Variants in C8orf34 observed in about 807,000 individuals in gnomAD.
C8orf34 encodes uncharacterized protein C8orf34.
C8orf34 carries 65 observed loss-of-function variants against 68.3 expected under a neutral mutation model. The observed-to-expected ratio is 0.95, with a 90% CI of 0.78 to 1.17. The LOEUF (loss-of-function observed/expected upper bound fraction) is 1.17, where lower values mean the gene tolerates loss of function less well. Ranked by LOEUF, C8orf34 falls within the 50% of genes most tolerant of loss-of-function variation. The pLI is 0.00. For missense variants in C8orf34, 664 were observed against 655.4 expected (o/e 1.01, Z -0.14); for synonymous variants, 244 against 241.2 (o/e 1.01, Z -0.11).
intron 7 of C8orf34, among the ~76,000 whole-genome samples, chr8:68,575,905 T>G (rs1816886939): frequency 6.6e-6 from 1 of 150,864 alleles, no homozygotes. Flanking sequence ...TGAATCATAA[T>G]ATATGCTTAC....
intron 5 of C8orf34, among the ~76,000 whole-genome samples, chr8:68,493,554 A>G (rs749155540): frequency 5.9e-5 from 9 of 152,228 alleles, no homozygotes; most frequent in Non-Finnish European, 1.2e-4. Context: ...TGGTGCAGCT[A>G]CTATGGAAAA....
chr8:68,489,688 T>G (rs1200819124), intron 5 of C8orf34, among the ~76,000 whole-genome samples: 1 of 152,120 alleles, frequency 6.6e-6, no homozygotes, highest in Non-Finnish European at 1.5e-5. Context: ...TTTGGAGCAT[T>G]TCAGATTTTC....
chr8:68,616,566 G>T (rs1818222091), intron 7 of C8orf34, among the ~76,000 whole-genome samples: 1 of 152,200 alleles, frequency 6.6e-6, no homozygotes, highest in Non-Finnish European at 1.5e-5. Context: ...TCATTCAGGA[G>T]CAGGTTGTTC....
At chr8:68,616,208 T>A (rs1212354663) in intron 7 of C8orf34, among the ~76,000 whole-genome samples, 1 of 151,984 alleles carries the variant, frequency 6.6e-6, no homozygotes, top group African/African-American at 2.4e-5. Context: ...TTGCTAGCGG[T>A]CTATCAATTT....
chr8:68,366,268 A>C lies in C8orf34; in HGVS notation c.327+34929A>C, dbSNP rs1392401775. Among the ~76,000 whole-genome samples, 34 of 118,362 alleles carry C rather than the reference A, an allele frequency of 2.9e-4. 1 individual carries two copies. Among genetic ancestry groups the C allele is most frequent in the East Asian group, 1.5e-3 (6 of 4,074 alleles). The allele number at this position is 118,362 out of a possible 152,430, so 77.7% of individuals were successfully genotyped here. A position where few individuals can be genotyped will look rare whatever the true frequency, so the allele number is the denominator to read the frequency against. The stretch of plus-strand genomic sequence containing the variant: ...AAAGAGGATACAAACAAATGGAAGA[A>C]CATTCCATGCTCATGGGTAGGAAGA... On this transcript the variant is annotated intron_variant, in intron 1 of 13. Coordinates refer to ENST00000518698, the MANE Select transcript of C8orf34 (RefSeq NM_052958.4).
intron 8 of C8orf34, among the ~76,000 whole-genome samples, chr8:68,649,200 T>C (rs1819270841): frequency 6.6e-6 from 1 of 152,192 alleles, no homozygotes; most frequent in South Asian, 2.1e-4. Flanking sequence ...AAGATTCCAT[T>C]TGAGTCATGT....
intron 7 of C8orf34, among the ~76,000 whole-genome samples, chr8:68,618,924 T>G (rs1322911494): frequency 6.6e-6 from 1 of 152,090 alleles, no homozygotes; most frequent in African/African-American, 2.4e-5. Context: ...CTAATTAAGT[T>G]TTAAATACCA....
chr8:68,634,401 T>A (rs192106906), intron 7 of C8orf34, among the ~76,000 whole-genome samples: 1 of 152,380 alleles, frequency 6.6e-6, no homozygotes, highest in East Asian at 1.9e-4. Flanking sequence ...TTTCTACATC[T>A]AGGATATGTT....
At chr8:68,488,655 T>A (rs561523809) in intron 5 of C8orf34, among the ~76,000 whole-genome samples, 1 of 152,294 alleles carries the variant, frequency 6.6e-6, no homozygotes, top group Admixed American at 6.5e-5. Context: ...ACTAGGTCAA[T>A]TGTGGTACTG....
At chr8:68,580,912 C>G (rs1406715009) in intron 7 of C8orf34, among the ~76,000 whole-genome samples, 1 of 152,022 alleles carries the variant, frequency 6.6e-6, no homozygotes, top group African/African-American at 2.4e-5. Flanking sequence ...ATGCCTGGAA[C>G]CCATCATGGT....
chr8:68,608,039 G>A (rs1316599484), intron 7 of C8orf34, among the ~76,000 whole-genome samples: 2 of 144,700 alleles, frequency 1.4e-5, no homozygotes, highest in Non-Finnish European at 3.0e-5. Flanking sequence ...AAACAATATA[G>A]TAGTTTTTAT....
At chr8:68,342,578 C>G (rs556323682) in intron 1 of C8orf34, among the ~76,000 whole-genome samples, 2 of 152,134 alleles carry the variant, frequency 1.3e-5, no homozygotes. Context: ...CAGAAATAAA[C>G]AATTCATAAG....
intron 10 of C8orf34, among the ~76,000 whole-genome samples, chr8:68,724,617 C>A (rs10110350): frequency 6.6e-6 from 1 of 152,142 alleles, no homozygotes; most frequent in Non-Finnish European, 1.5e-5. Flanking sequence ...TTCCCTCTCC[C>A]TCTCTGCTCT....
rs568842842 is a variant in C8orf34 at position 68,643,663 on chromosome 8, C to T, written c.1241+3152C>T. On this transcript the variant is annotated intron_variant, in intron 8 of 13. Transcript: ENST00000518698. ...CTTTCTGGGGTCTTTTTTATAAGGG[C>T]ACTAATTCCATTCATGAGGGTTCCA... 3.3e-5 allele frequency among the ~76,000 whole-genome samples: 5 copies of T among 152,144 alleles called. No homozygotes were observed. In the East Asian group the frequency reaches 9.7e-4, roughly 30 times the overall value.
At chr8:68,730,246 G>A (rs1821942491) in intron 10 of C8orf34, among the ~76,000 whole-genome samples, 1 of 152,058 alleles carries the variant, frequency 6.6e-6, no homozygotes, top group Non-Finnish European at 1.5e-5. Flanking sequence ...AATTGCTGGC[G>A]GCTAATTGTA....
At chr8:68,643,632 A>G (rs1019577486) in intron 8 of C8orf34, among the ~76,000 whole-genome samples, 2 of 152,076 alleles carry the variant, frequency 1.3e-5, no homozygotes, top group African/African-American at 4.8e-5. Context: ...TGGGAGGGTG[A>G]GCTAGCTTTC....
At chr8:68,423,289 A>C (rs1810064255) in intron 1 of C8orf34, among the ~76,000 whole-genome samples, 3 of 152,110 alleles carry the variant, frequency 2.0e-5, no homozygotes, top group African/African-American at 4.8e-5. Context: ...TCTGCCAGAT[A>C]CCCTAAATCA....
chr8:68,458,458 C>T (rs146679895), intron 3 of C8orf34, among the ~76,000 whole-genome samples: 4 of 151,664 alleles, frequency 2.6e-5, no homozygotes, highest in South Asian at 2.1e-4. Flanking sequence ...TTAAAAAAAA[C>T]CAAAAAACCT....
intron 7 of C8orf34, chr8:68,534,237 G>C (rs989769151): frequency 1.0e-6 from 1 of 985,324 alleles, no homozygotes; most frequent in African/African-American, 1.7e-5. Context: ...ACATTAAGGA[G>C]ATTGTATCAT....
Sources: allele counts gnomAD v4.1 joint callset (sites outside exome capture counted in the v4.1 genomes callset), GRCh38; gene constraint gnomAD v4.1.1; transcripts MANE v1.5; gene names NCBI Gene and HGNC (gene_info 2026-07-23, HGNC 2026-07-21).